The following CDH18 variants were observed in gnomAD, a reference collection of about 807,000 sequenced individuals.
The protein encoded by CDH18 is cadherin 18.
CDH18 carries 31 observed loss-of-function variants against 67.9 expected under a neutral mutation model. That is an observed-to-expected ratio of 0.46 (90% CI 0.34 to 0.62). CDH18 has a LOEUF of 0.62. Ranked by LOEUF, CDH18 falls within the 20% of genes least tolerant of loss-of-function variation. CDH18 has a pLI of 0.01. For synonymous variants in CDH18, 362 were observed against 347.2 expected (o/e 1.04, Z -0.48); for missense variants, 890 against 975.5 (o/e 0.91, Z 1.17).
chr5:20,509,749 T>C (rs533760615), intron 1 of CDH18, among the ~76,000 whole-genome samples: 1 of 79,398 alleles, frequency 1.3e-5, no homozygotes, highest in African/African-American at 4.5e-5. Flanking sequence ...TGCATAGTAT[T>C]CCATTGTGTA....
intron 2 of CDH18, among the ~76,000 whole-genome samples, chr5:20,110,830 AC>A (rs1272394226): frequency 5.9e-5 from 9 of 152,224 alleles, no homozygotes; most frequent in South Asian, 2.1e-4. Flanking sequence ...TTAAAAGCAC[AC>A]TTTTATTTTT....
intron 2 of CDH18, among the ~76,000 whole-genome samples, chr5:20,009,425 C>G (rs997365357): frequency 6.6e-6 from 1 of 152,038 alleles, no homozygotes; most frequent in Non-Finnish European, 1.5e-5. Flanking sequence ...GAACTGTACT[C>G]TCTCTTTATG....
chr5:20,304,346 T>G, intron 1 of CDH18: 1 of 1,523,932 alleles, frequency 6.6e-7, no homozygotes, highest in Non-Finnish European at 9.1e-7. Context: ...TTCATTATCT[T>G]TCTTGTAAAA....
intron 1 of CDH18, among the ~76,000 whole-genome samples, chr5:20,393,124 A>G (rs767839884): frequency 3.9e-5 from 6 of 151,960 alleles, no homozygotes; most frequent in African/African-American, 9.7e-5. Context: ...TAGGTGTCTT[A>G]CTATATTATG....
chr5:20,339,339 G>A (rs973301554), intron 1 of CDH18, among the ~76,000 whole-genome samples: 2 of 152,090 alleles, frequency 1.3e-5, no homozygotes, highest in African/African-American at 4.8e-5. Flanking sequence ...TCCAGCAGCC[G>A]GACCTTTTCT....
chr5:20,172,190 G>GTGTGTA (rs1342353318), intron 2 of CDH18, among the ~76,000 whole-genome samples: 55 of 23,332 alleles, frequency 2.4e-3, no homozygotes, highest in East Asian at 0.014. Flanking sequence ...AGCATTGTGT[G>GTGTGTA]TATATATATA....
rs532753674 is a variant in CDH18 at position 19,779,010 on chromosome 5, TCATC to T, written c.229-31778_229-31775del. ...GATGTCTCTGCACACACACAAGATT[TCATC>T]CACCTGGCTAGGAATAAAATACAGT... is the stretch of plus-strand genomic sequence containing the variant. On this transcript the variant is annotated intron_variant, in intron 3 of 12. Coordinates refer to ENST00000382275, the MANE Select transcript of CDH18 (RefSeq NM_004934.5). Among the ~76,000 whole-genome samples the T allele has an allele frequency of 6.7e-3, 1,016 of 152,286 alleles. 7 individuals carry two copies. The highest frequency in any genetic ancestry group is 0.01 in the Non-Finnish European group (714 of 68,016).
At chr5:20,330,477 A>G (rs1487570532) in intron 1 of CDH18, among the ~76,000 whole-genome samples, 2 of 152,148 alleles carry the variant, frequency 1.3e-5, no homozygotes, top group Non-Finnish European at 2.9e-5. Flanking sequence ...AGAAACACCT[A>G]AAGTTGGTGA....
intron 5 of CDH18, among the ~76,000 whole-genome samples, chr5:19,687,585 C>T (rs1475727865): frequency 6.6e-6 from 1 of 152,170 alleles, no homozygotes; most frequent in Non-Finnish European, 1.5e-5. Flanking sequence ...CTGCCTGGGA[C>T]TGCTACCACT....
chr5:19,749,404 A>T (rs986727455), intron 3 of CDH18, among the ~76,000 whole-genome samples: 4 of 151,540 alleles, frequency 2.6e-5, no homozygotes, highest in African/African-American at 4.8e-5. Flanking sequence ...GTCTTTTAAC[A>T]ATTTCTAAAA....
chr5:20,465,941 T>G (rs1751604493), intron 1 of CDH18, among the ~76,000 whole-genome samples: 1 of 152,082 alleles, frequency 6.6e-6, no homozygotes, highest in Non-Finnish European at 1.5e-5. Flanking sequence ...GGTGACAAAC[T>G]ATGTGCTGAC....
At chr5:20,111,295 T>A (rs1362209061) in intron 2 of CDH18, among the ~76,000 whole-genome samples, 2 of 152,150 alleles carry the variant, frequency 1.3e-5, no homozygotes, top group Admixed American at 1.3e-4. Context: ...TGTATACGCA[T>A]TTTGTATGAA....
At chr5:20,434,519 C>T (rs556303049) in intron 1 of CDH18, among the ~76,000 whole-genome samples, 101 of 151,742 alleles carry the variant, frequency 6.7e-4, no homozygotes, top group African/African-American at 1.7e-3. Flanking sequence ...AGGATTCACC[C>T]GGTAATAAAG....
At chr5:20,347,867 C>T (rs1740836731) in intron 1 of CDH18, among the ~76,000 whole-genome samples, 1 of 152,138 alleles carries the variant, frequency 6.6e-6, no homozygotes, top group Non-Finnish European at 1.5e-5. Context: ...GCTTCTGCCA[C>T]ATAACATATC....
chr5:19,803,023 T>C (rs1777632568), intron 3 of CDH18, among the ~76,000 whole-genome samples: 1 of 152,212 alleles, frequency 6.6e-6, no homozygotes, highest in Admixed American at 6.5e-5. Context: ...GTGAAAACTA[T>C]TCAAAATCCA....
chr5:20,078,138 GTAATGTCA>G (rs1221250606), intron 2 of CDH18, among the ~76,000 whole-genome samples: 1 of 152,192 alleles, frequency 6.6e-6, no homozygotes, highest in Non-Finnish European at 1.5e-5. Context: ...CTTTAAAACA[GTAATGTCA>G]TAATGCTTCA....
intron 1 of CDH18, among the ~76,000 whole-genome samples, chr5:20,446,723 C>T (rs2150199929): frequency 6.6e-6 from 1 of 152,280 alleles, no homozygotes; most frequent in African/African-American, 2.4e-5. Flanking sequence ...AAATAATTGT[C>T]TTTAACTTTT....
chr5:19,923,897 T>C (rs1245044644), intron 2 of CDH18, among the ~76,000 whole-genome samples: 2 of 152,178 alleles, frequency 1.3e-5, no homozygotes, highest in African/African-American at 2.4e-5. Flanking sequence ...TCACCTCTTG[T>C]GGAAAAGTGG....
intron 2 of CDH18, among the ~76,000 whole-genome samples, chr5:20,248,284 A>C (rs11746317): frequency 0.079 from 11,994 of 152,278 alleles, 559 homozygotes; most frequent in East Asian, 0.14. Context: ...GCTTGACTTT[A>C]AGCAACATGA....
Sources: gnomAD v4.1 joint callset for allele counts (sites outside exome capture counted in the v4.1 genomes callset) on GRCh38, gnomAD v4.1.1 for gene constraint, MANE v1.5 for transcripts, NCBI Gene and HGNC (gene_info 2026-07-23, HGNC 2026-07-21) for gene names.